Variants in BTBD9 observed in about 807,000 individuals in gnomAD.
BTBD9 encodes the protein BTB domain containing 9, also known as BTB/POZ domain-containing protein 9.
Under a neutral mutation model 64.3 loss-of-function variants are expected in BTBD9, and 49 were observed. That is an observed-to-expected ratio of 0.76 (90% CI 0.61 to 0.97). The LOEUF is 0.97. Among genes scored for constraint, BTBD9 ranks in the 50% least tolerant of loss-of-function variants. BTBD9 has a pLI of 0.00. For missense variants in BTBD9, 598 were observed against 762.1 expected, an observed-to-expected ratio of 0.78 and a Z score of 2.53; for synonymous variants, 260 against 274.7, an observed-to-expected ratio of 0.95 and a Z score of 0.53.
intron 6 of BTBD9, among the ~76,000 whole-genome samples, chr6:38,527,288 AAAAAAAAAG>A (rs1486200076): frequency 1.2e-4 from 18 of 149,786 alleles, no homozygotes; most frequent in African/African-American, 4.2e-4. Flanking sequence ...AAAAAAAAAA[AAAAAAAAAG>A]ATGTGATTTG....
At chr6:38,462,538 G>A (rs1770146778) in intron 6 of BTBD9, among the ~76,000 whole-genome samples, 1 of 152,040 alleles carries the variant, frequency 6.6e-6, no homozygotes, top group East Asian at 1.9e-4. Context: ...GAGTAAGGTA[G>A]GTTTATAATA....
At chr6:38,417,792 GAGAGAGAGAAAA>G (rs1767734745) in intron 6 of BTBD9, among the ~76,000 whole-genome samples, 1 of 101,656 alleles carries the variant, frequency 9.8e-6, no homozygotes, top group South Asian at 2.9e-4. Context: ...GAGAGAGAGA[GAGAGAGAGAAAA>G]AAAATATTGA....
chr6:38,467,748 T>C (rs555673883), intron 6 of BTBD9, among the ~76,000 whole-genome samples: 6 of 152,342 alleles, frequency 3.9e-5, no homozygotes, highest in African/African-American at 1.4e-4. Context: ...ATTTCTATTC[T>C]GGCTCCACAA....
At chr6:38,437,641 G>C (rs935569734) in intron 6 of BTBD9, among the ~76,000 whole-genome samples, 1 of 152,120 alleles carries the variant, frequency 6.6e-6, no homozygotes, top group African/African-American at 2.4e-5. Context: ...AGACATATCT[G>C]TCTTACTTTG....
At chr6:38,410,422 G>A (rs746558879) in intron 6 of BTBD9, among the ~76,000 whole-genome samples, 7 of 151,986 alleles carry the variant, frequency 4.6e-5, no homozygotes, top group Non-Finnish European at 7.4e-5. Context: ...GCAGTGAGCC[G>A]TGACCACACT....
intron 6 of BTBD9, among the ~76,000 whole-genome samples, chr6:38,505,271 C>T (rs539814566): frequency 6.6e-6 from 1 of 152,266 alleles, no homozygotes; most frequent in South Asian, 2.1e-4. Context: ...TAGACCAAAT[C>T]TCTCCTCTAA....
intron 7 of BTBD9, among the ~76,000 whole-genome samples, chr6:38,321,126 T>C (rs1431895475): frequency 6.6e-6 from 1 of 152,240 alleles, no homozygotes; most frequent in Admixed American, 6.5e-5. Flanking sequence ...CGAAGGGGTC[T>C]TCCCACAGTC....
chr6:38,403,091 G>T (rs2127240055), intron 6 of BTBD9, among the ~76,000 whole-genome samples: 1 of 144,208 alleles, frequency 6.9e-6, no homozygotes, highest in South Asian at 2.4e-4. Flanking sequence ...GGGAAGGGGA[G>T]GGGAAGGGAG....
chr6:38,611,514 C>T (rs1027294788), intron 1 of BTBD9, among the ~76,000 whole-genome samples: 2 of 152,136 alleles, frequency 1.3e-5, no homozygotes, highest in Non-Finnish European at 2.9e-5. Flanking sequence ...TGAGCAAACA[C>T]TGATGCAGAC....
At chr6:38,438,480 T>C (rs1232472537) in intron 6 of BTBD9, among the ~76,000 whole-genome samples, 2 of 152,144 alleles carry the variant, frequency 1.3e-5, no homozygotes, top group African/African-American at 4.8e-5. Context: ...GGACAGTGCA[T>C]GAGTTCAGTG....
At chr6:38,279,702 A>G (rs762423813) in intron 8 of BTBD9, among the ~76,000 whole-genome samples, 54 of 152,160 alleles carry the variant, frequency 3.5e-4, no homozygotes, top group Non-Finnish European at 6.9e-4. Flanking sequence ...TCGTTTTCCA[A>G]GGTGAACAAT....
intron 6 of BTBD9, among the ~76,000 whole-genome samples, chr6:38,442,700 G>A (rs1032206419): frequency 2.5e-4 from 25 of 98,200 alleles, no homozygotes; most frequent in Non-Finnish European, 4.1e-4. Context: ...ATGGAGTTTC[G>A]CTTTTGTTGC....
chr6:38,369,323 G>A (rs1765320511), intron 6 of BTBD9, among the ~76,000 whole-genome samples: 1 of 152,114 alleles, frequency 6.6e-6, no homozygotes, highest in African/African-American at 2.4e-5. Flanking sequence ...CAATGACCAA[G>A]CCCCTGAAGA....
chr6:38,353,781 A>C (rs61104643), intron 6 of BTBD9, among the ~76,000 whole-genome samples: 3,844 of 152,266 alleles, frequency 0.025, 153 homozygotes, highest in African/African-American at 0.088. Context: ...AAATGAGTCT[A>C]ATGGAATTGT....
At chr6:38,508,153 C>G (rs1198999168) in intron 6 of BTBD9, among the ~76,000 whole-genome samples, 1 of 152,022 alleles carries the variant, frequency 6.6e-6, no homozygotes, top group Non-Finnish European at 1.5e-5. Flanking sequence ...AATCTTTAGC[C>G]CAGATCCTGC....
intron 6 of BTBD9, among the ~76,000 whole-genome samples, chr6:38,417,775 G>GGAGAGAGAGA (rs1554149267): frequency 2.2e-5 from 3 of 135,640 alleles, no homozygotes; most frequent in South Asian, 5.1e-4. Context: ...CCTGTCTCGA[G>GGAGAGAGAGA]GAGAGAGAGA....
intron 6 of BTBD9, among the ~76,000 whole-genome samples, chr6:38,527,957 T>C (rs1033011314): frequency 1.3e-5 from 2 of 151,920 alleles, no homozygotes; most frequent in Non-Finnish European, 2.9e-5. Flanking sequence ...TTCATAAGAA[T>C]GAAGAGTCAG....
intron 6 of BTBD9, among the ~76,000 whole-genome samples, chr6:38,350,146 T>C (rs1764446360): frequency 6.6e-6 from 1 of 152,184 alleles, no homozygotes; most frequent in Non-Finnish European, 1.5e-5. Flanking sequence ...GGAATTTGAA[T>C]TTGTTAAGAA....
chr6:38,178,528 C>T (rs1470869410), intron 10 of BTBD9, among the ~76,000 whole-genome samples: 1 of 152,100 alleles, frequency 6.6e-6, no homozygotes, highest in African/African-American at 2.4e-5. Flanking sequence ...GGAGAAGGAG[C>T]CCCAGGGCAT....
Sources: allele counts gnomAD v4.1 joint callset (sites outside exome capture counted in the v4.1 genomes callset), GRCh38; gene constraint gnomAD v4.1.1; transcripts MANE v1.5; gene names NCBI Gene and HGNC (gene_info 2026-07-23, HGNC 2026-07-21).